Variants in PTPN3 observed in about 807,000 individuals in gnomAD.
The protein encoded by PTPN3 is protein tyrosine phosphatase non-receptor type 3.
PTPN3 carries 96 observed loss-of-function variants against 132.7 expected under a neutral mutation model. The observed-to-expected ratio is 0.72, with a 90% CI of 0.61 to 0.86. PTPN3 has a LOEUF of 0.86. PTPN3 is among the 40% of genes least tolerant of loss of function. The pLI, the probability that PTPN3 is intolerant of heterozygous loss-of-function variation, is 0.00. For synonymous variants in PTPN3, 398 were observed against 429.0 expected (o/e 0.93, Z 0.89); for missense variants, 1,125 against 1,159.6 (o/e 0.97, Z 0.43).
intron 7 of PTPN3, among the ~76,000 whole-genome samples, chr9:109,443,264 A>C (rs533912947): frequency 1.3e-5 from 2 of 151,914 alleles, no homozygotes; most frequent in Non-Finnish European, 2.9e-5. Context: ...TTTTGTAGAG[A>C]TGGGGCTTCA....
At chr9:109,434,840 C>T (rs921743126) in intron 9 of PTPN3, among the ~76,000 whole-genome samples, 6 of 152,150 alleles carry the variant, frequency 3.9e-5, no homozygotes, top group African/African-American at 1.2e-4. Context: ...GAGTTTGGCA[C>T]GTGGAAGACA....
At chr9:109,502,304 GT>G (rs1238727387), upstream of PTPN3, among the ~76,000 whole-genome samples, 1 of 152,186 alleles carries the variant, frequency 6.6e-6, no homozygotes, top group Non-Finnish European at 1.5e-5. Context: ...TGCCCTACTT[GT>G]ACTGCTCCAG....
At chr9:109,413,669 C>T (rs531022893) in intron 14 of PTPN3, among the ~76,000 whole-genome samples, 4 of 152,210 alleles carry the variant, frequency 2.6e-5, no homozygotes, top group African/African-American at 9.6e-5. Context: ...AGGTTTGTCC[C>T]TGAGGCAGGA....
chr9:109,393,158 C>G (rs1840271371), intron 19 of PTPN3, among the ~76,000 whole-genome samples: 1 of 152,042 alleles, frequency 6.6e-6, no homozygotes, highest in Admixed American at 6.6e-5. Flanking sequence ...AAATAACTAC[C>G]CTAATTTTCA....
the PTPN3 span, among the ~76,000 whole-genome samples, chr9:109,517,101 C>T: frequency 1.3e-5 from 2 of 152,270 alleles, no homozygotes; most frequent in Admixed American, 1.3e-4. Flanking sequence ...TGTTACTTTG[C>T]CTGGCCATAG....
rs11353536 is a variant in PTPN3, at chr9:109,453,845, T to TA, written c.368+650dup. 1.3e-3 allele frequency among the ~76,000 whole-genome samples: 174 copies of TA among 135,668 alleles called. 1 individual carries two copies. The East Asian group carries it at 0.028, about 22-fold the overall frequency. 89.0% of individuals were successfully genotyped at this position (135,668 alleles called of 152,430 possible). A position where few individuals can be genotyped will look rare whatever the true frequency, so the allele number is the denominator to read the frequency against. On this transcript the variant is annotated intron_variant, in intron 5 of 25. Transcript: ENST00000374541. ...GACGACATGGAAACCCCATCTCCGT[T>TA]AAAAAAAAAAAAAAAAAAAATTAGC...
rs375641681 is a variant in PTPN3, at chr9:109,383,381, C to T, written c.2382+42G>A. The T allele has an allele frequency of 4.3e-6, 7 of 1,613,738 alleles. No homozygotes were observed. The African/African-American group carries it at 9.3e-5, about 22-fold the overall frequency. On this transcript the variant is annotated intron_variant, in intron 23 of 25. Transcript: ENST00000374541. ...CCTGGGATGACAGTGGCCGCTGATT[C>T]AGCACCTGCCCCTCCACCGTGCCCC...
chr9:109,457,327 C>G lies in PTPN3; in HGVS notation c.211G>C (p.Gly71Arg). 2.5e-6 allele frequency: 4 copies of G among 1,614,174 alleles called. No individual in the cohort carries two copies. Among genetic ancestry groups the G allele is most frequent in the Non-Finnish European group, 3.4e-6 (4 of 1,180,034 alleles). Reference sequence around the variant, plus strand: ...ACGGAGTCGTCATCATGCTGTAAACCAAAATATTCCTTTTCAGTCACACCC... The same window carrying G: ...ACGGAGTCGTCATCATGCTGTAAACGAAAATATTCCTTTTCAGTCACACCC... ...HLGVTEKEYF[G>R]LQHDDDSVDS... The change falls in exon 3 of 26, where the codon GGT becomes CGT. Residue 71 changes from glycine (G) to arginine (R), a missense_variant. Transcript: ENST00000374541.
intron 14 of PTPN3, among the ~76,000 whole-genome samples, chr9:109,413,535 A>AG (rs1486248409): frequency 6.6e-6 from 1 of 152,350 alleles, no homozygotes; most frequent in East Asian, 1.9e-4. Context: ...AGTGCGGCTG[A>AG]GGAGCGCAGG....
intron 5 of PTPN3, among the ~76,000 whole-genome samples, chr9:109,453,816 C>T (rs1029616200): frequency 6.7e-6 from 1 of 149,470 alleles, no homozygotes; most frequent in East Asian, 2.0e-4. Context: ...TTGAGACCAG[C>T]CTGGACGACA....
the PTPN3 span, among the ~76,000 whole-genome samples, chr9:109,523,463 C>T: frequency 6.8e-6 from 1 of 147,194 alleles, no homozygotes; most frequent in African/African-American, 2.5e-5. Flanking sequence ...AGTCGCATAC[C>T]ACCTGGTACA....
At chr9:109,491,327 TA>T (rs1335819647) in intron 1 of PTPN3, among the ~76,000 whole-genome samples, 1 of 152,120 alleles carries the variant, frequency 6.6e-6, no homozygotes, top group Non-Finnish European at 1.5e-5. Context: ...GAAATATATG[TA>T]GGGGGAAAGG....
chr9:109,383,168 A>C, intron 23 of PTPN3: 1 of 548,482 alleles, frequency 1.8e-6, no homozygotes, highest in African/African-American at 1.9e-5. Context: ...ATCATATTCC[A>C]TTGTATGGAC....
chr9:109,398,012 G>A (rs184082602), intron 19 of PTPN3, among the ~76,000 whole-genome samples: 10 of 152,348 alleles, frequency 6.6e-5, no homozygotes, highest in African/African-American at 2.4e-4. Context: ...GGTGGCTGAT[G>A]CCTGTAATCC....
chr9:109,380,074 A>T (rs1838916131), intron 25 of PTPN3, among the ~76,000 whole-genome samples: 2 of 152,170 alleles, frequency 1.3e-5, no homozygotes, highest in Admixed American at 6.5e-5. Flanking sequence ...AGGAGTCTGG[A>T]TTGTGTTTTA....
intron 14 of PTPN3, among the ~76,000 whole-genome samples, chr9:109,411,570 G>A (rs572604643): frequency 2.0e-5 from 3 of 152,252 alleles, no homozygotes; most frequent in South Asian, 4.1e-4. Context: ...CTAAGACTCT[G>A]CCCCACCCTA....
intron 10 of PTPN3, among the ~76,000 whole-genome samples, chr9:109,431,901 C>T (rs2131900003): frequency 6.6e-6 from 1 of 151,922 alleles, no homozygotes; most frequent in East Asian, 1.9e-4. Context: ...CTATATAGTG[C>T]CTATTTGGAG....
At chr9:109,449,946 T>C in intron 5 of PTPN3, 1 of 985,408 alleles carries the variant, frequency 1.0e-6, no homozygotes, top group South Asian at 4.7e-5. Flanking sequence ...TTTGTAACTT[T>C]CCCTCTTATC....
the PTPN3 span, among the ~76,000 whole-genome samples, chr9:109,524,670 A>G: frequency 1.3e-5 from 2 of 152,356 alleles, no homozygotes; most frequent in Non-Finnish European, 2.9e-5. Context: ...CAAGACTGAT[A>G]GGATCGTTAT....
Sources: gnomAD v4.1 joint callset for allele counts (sites outside exome capture counted in the v4.1 genomes callset) on GRCh38, gnomAD v4.1.1 for gene constraint, MANE v1.5 for transcripts, NCBI Gene and HGNC (gene_info 2026-07-23, HGNC 2026-07-21) for gene names.